The following GALNT18 variants were observed in gnomAD, a reference collection of about 807,000 sequenced individuals.
GALNT18 encodes the protein GalNAc-transferase 18.
Under a neutral mutation model 69.5 loss-of-function variants are expected in GALNT18, and 44 were observed. The observed-to-expected ratio is 0.63, with a 90% CI of 0.50 to 0.81. The LOEUF (loss-of-function observed/expected upper bound fraction) is 0.81. Ranked by LOEUF, GALNT18 falls within the 40% of genes least tolerant of loss-of-function variation. The pLI, the probability that GALNT18 is intolerant of heterozygous loss-of-function variation, is 0.00. For synonymous variants in GALNT18, 364 were observed against 318.2 expected, an observed-to-expected ratio of 1.14 and a Z score of -1.53; for missense variants, 715 against 810.0, an observed-to-expected ratio of 0.88 and a Z score of 1.42.
At chr11:11,518,827 A>G (rs1456373038) in intron 1 of GALNT18, among the ~76,000 whole-genome samples, 3 of 152,182 alleles carry the variant, frequency 2.0e-5, no homozygotes, top group Non-Finnish European at 2.9e-5. Context: ...CTCTAAGTAC[A>G]CAACAGAAAA....
intron 1 of GALNT18, among the ~76,000 whole-genome samples, chr11:11,615,249 A>G (rs1415155817): frequency 6.6e-6 from 1 of 152,224 alleles, no homozygotes; most frequent in Non-Finnish European, 1.5e-5. Flanking sequence ...GCTATAGGAG[A>G]CAGAAAAACA....
chr11:11,567,052 G>A (rs541752068), intron 1 of GALNT18, among the ~76,000 whole-genome samples: 62 of 152,188 alleles, frequency 4.1e-4, no homozygotes, highest in African/African-American at 1.3e-3. Flanking sequence ...TTTGACATTC[G>A]GGCCTCAGAA....
At chr11:11,295,161 T>G (rs1849373838) in intron 9 of GALNT18, among the ~76,000 whole-genome samples, 2 of 152,122 alleles carry the variant, frequency 1.3e-5, no homozygotes, top group African/African-American at 4.8e-5. Flanking sequence ...CACGGCAGAT[T>G]CTTCCTGAAG....
At chr11:11,369,577 T>A (rs1392510296) in intron 6 of GALNT18, among the ~76,000 whole-genome samples, 1 of 152,096 alleles carries the variant, frequency 6.6e-6, no homozygotes, top group Admixed American at 6.6e-5. Context: ...TCACAAGAGG[T>A]TAGGACATAT....
In GALNT18 at chr11:11,288,611, C is replaced by T. The variant is rs148861140; in HGVS notation, c.1677+4418G>A. Reference sequence around the variant, plus strand: ...CCATGCTCAATAAATGTTTGATGAACGACTAAAGGAAAGACTGTTCATCAT... The same window carrying T: ...CCATGCTCAATAAATGTTTGATGAATGACTAAAGGAAAGACTGTTCATCAT... On this transcript the variant is annotated intron_variant, in intron 10 of 10. Coordinates refer to ENST00000227756, the MANE Select transcript of GALNT18 (RefSeq NM_198516.3). Among the ~76,000 whole-genome samples, 56 of 152,186 alleles carry T rather than the reference C, an allele frequency of 3.7e-4. No individual in the cohort carries two copies. In the East Asian group the frequency reaches 7.3e-3, roughly 20 times the overall value.
Position 11,413,976 on chromosome 11 carries a change from G to C in GALNT18, c.595+18645C>G, listed in dbSNP as rs1854793872. 6.6e-6 allele frequency among the ~76,000 whole-genome samples: 1 copy of C among 152,150 alleles called. No individual in the cohort carries two copies. The highest frequency in any genetic ancestry group is 1.5e-5 in the Non-Finnish European group (1 of 68,038). On this transcript the variant is annotated intron_variant, in intron 3 of 10. Transcript: ENST00000227756. The surrounding 1 kb of genome is among the most constrained non-coding windows in gnomAD (Gnocchi z 4.7). Reference sequence around the variant, plus strand: ...CCAAACCTGTTCTTCCTCTAATTCTGTCTGGCCCATCTTGCAAACTGCACT... The same window carrying C: ...CCAAACCTGTTCTTCCTCTAATTCTCTCTGGCCCATCTTGCAAACTGCACT...
intron 3 of GALNT18, among the ~76,000 whole-genome samples, chr11:11,385,745 G>A (rs377090584): frequency 6.6e-6 from 1 of 152,088 alleles, no homozygotes; most frequent in East Asian, 1.9e-4. Flanking sequence ...ATACCCCATG[G>A]GTGAACTGAA....
At chr11:11,484,122 A>C (rs1012119661) in intron 1 of GALNT18, among the ~76,000 whole-genome samples, 5 of 152,200 alleles carry the variant, frequency 3.3e-5, no homozygotes, top group Non-Finnish European at 7.3e-5. Flanking sequence ...ATAAGGAAAC[A>C]GAAGCTCTGA....
At position 11,332,591 on chromosome 11, in the gene GALNT18, C is replaced by G; in HGVS notation, c.1416+103G>C. On this transcript the variant is annotated intron_variant, in intron 8 of 10. Transcript: ENST00000227756. The surrounding 1 kb of genome is among the most constrained non-coding windows in gnomAD (Gnocchi z 4.3). ...CCCGGTCCCCAGGCCTACTGCAGTT[C>G]TTCATGTGAGCAGCTGAGAGGCTCT... 1 of 1,372,644 alleles carries G rather than the reference C, an allele frequency of 7.3e-7. No homozygotes were observed. The highest frequency in any genetic ancestry group is 1.3e-5 in the South Asian group (1 of 77,074). The allele number at this position is 1,372,644 out of a possible 1,614,324, so 85.0% of individuals were successfully genotyped here.
chr11:11,301,008 C>G (rs1305793658), intron 9 of GALNT18, among the ~76,000 whole-genome samples: 1 of 152,126 alleles, frequency 6.6e-6, no homozygotes, highest in Non-Finnish European at 1.5e-5. Flanking sequence ...TAGCTTGCCC[C>G]CACAATGAGA....
chr11:11,609,395 T>A (rs1859835828), intron 1 of GALNT18, among the ~76,000 whole-genome samples: 1 of 152,168 alleles, frequency 6.6e-6, no homozygotes, highest in South Asian at 2.1e-4. Context: ...CGCCTGGCAC[T>A]CTCTTCCTCT....
intron 1 of GALNT18, among the ~76,000 whole-genome samples, chr11:11,467,380 T>G (rs537527047): frequency 1.8e-4 from 27 of 152,312 alleles, no homozygotes; most frequent in Admixed American, 1.5e-3. Flanking sequence ...CAGAGCCCTT[T>G]CTTACCCAGA....
chr11:11,271,820 T>TC (rs1252093175), intron 10 of GALNT18, among the ~76,000 whole-genome samples: 2 of 152,032 alleles, frequency 1.3e-5, no homozygotes, highest in African/African-American at 4.8e-5. Context: ...GCATGATTTT[T>TC]CCCCATGCTA....
At chr11:11,608,116 G>A (rs1165139271) in intron 1 of GALNT18, among the ~76,000 whole-genome samples, 2 of 152,194 alleles carry the variant, frequency 1.3e-5, no homozygotes, top group Non-Finnish European at 2.9e-5. Flanking sequence ...CTCCCCTGGA[G>A]CCTAACTTAT....
In GALNT18 at chr11:11,596,842, G is replaced by T. The variant is rs1277801608; in HGVS notation, c.235+24517C>A. Among the ~76,000 whole-genome samples, 2 of 152,086 alleles carry T rather than the reference G, an allele frequency of 1.3e-5. No individual in the cohort carries two copies. Among genetic ancestry groups the T allele is most frequent in the African/African-American group, 4.8e-5 (2 of 41,404 alleles). On this transcript the variant is annotated intron_variant, in intron 1 of 10. Coordinates refer to ENST00000227756, the MANE Select transcript of GALNT18 (RefSeq NM_198516.3). The surrounding 1 kb of genome is among the most constrained non-coding windows in gnomAD (Gnocchi z 4.2). ...ACATCTGGTATAATATTAAATAGGCGTGATGACAGCAGATATGCTTCTGTT... is the reference window on the plus strand; with the variant it reads ...ACATCTGGTATAATATTAAATAGGCTTGATGACAGCAGATATGCTTCTGTT...
intron 6 of GALNT18, among the ~76,000 whole-genome samples, chr11:11,351,767 T>G (rs1427393350): frequency 1.3e-5 from 2 of 151,934 alleles, no homozygotes; most frequent in Non-Finnish European, 2.9e-5. Context: ...TTTTCTTTTT[T>G]TTTTTTTTCA....
At position 11,587,850 on chromosome 11, in the gene GALNT18, A is replaced by G. The variant is rs1463947382; in HGVS notation, c.235+33509T>C. Among the ~76,000 whole-genome samples the G allele has an allele frequency of 1.3e-5, 2 of 152,126 alleles. No homozygotes were observed. The highest frequency in any genetic ancestry group is 1.3e-4 in the Admixed American group (2 of 15,268). ...CCTCTTCTATGGTCCAAAGAATAAT[A>G]AGAACACAAAATATAGAAATCCGAA... On this transcript the variant is annotated intron_variant, in intron 1 of 10. Transcript: ENST00000227756. The surrounding 1 kb of genome is among the most constrained non-coding windows in gnomAD (Gnocchi z 4.4).
At chr11:11,379,597 C>A (rs1853861494) in intron 3 of GALNT18, among the ~76,000 whole-genome samples, 1 of 152,234 alleles carries the variant, frequency 6.6e-6, no homozygotes, top group Non-Finnish European at 1.5e-5. Context: ...CAGCATCATG[C>A]AGCTTGTGAG....
chr11:11,539,948 G>A (rs755879075), intron 1 of GALNT18, among the ~76,000 whole-genome samples: 35 of 152,218 alleles, frequency 2.3e-4, no homozygotes, highest in Admixed American at 4.6e-4. Context: ...CAGACACAGT[G>A]CCTTGCAGGG....
Sources: gnomAD v4.1 joint callset for allele counts (sites outside exome capture counted in the v4.1 genomes callset) on GRCh38, gnomAD v4.1.1 for gene constraint, Gnocchi (gnomAD v3.1) non-coding constraint, MANE v1.5 for transcripts, NCBI Gene and HGNC (gene_info 2026-07-23, HGNC 2026-07-21) for gene names.